The following CDH18 variants were observed in gnomAD, a reference collection of about 807,000 sequenced individuals.
CDH18 encodes the protein cadherin 18.
In CDH18, 31 loss-of-function variants were observed where a neutral mutation model predicts 67.9. That is an observed-to-expected ratio of 0.46 (90% confidence interval 0.34 to 0.62). CDH18 has a LOEUF of 0.62. Ranked by LOEUF, CDH18 falls within the 20% of genes least tolerant of loss-of-function variation. The probability of loss-of-function intolerance (pLI) is 0.01; values close to 1 mark genes in which losing one functional copy is unlikely to be tolerated. For missense variants in CDH18, 890 were observed against 975.5 expected (o/e 0.91, Z 1.17); for synonymous variants, 362 against 347.2 (o/e 1.04, Z -0.48).
chr5:19,870,612 TTA>T (rs1359686486), intron 2 of CDH18, among the ~76,000 whole-genome samples: 7 of 152,112 alleles, frequency 4.6e-5, no homozygotes, highest in Admixed American at 4.6e-4. Flanking sequence ...CTGAGCAAGT[TTA>T]TGTTTTCTTG....
intron 1 of CDH18, among the ~76,000 whole-genome samples, chr5:20,450,760 A>G (rs1750383241): frequency 6.6e-6 from 1 of 152,162 alleles, no homozygotes; most frequent in African/African-American, 2.4e-5. Flanking sequence ...AACTCATTGC[A>G]TTAGTCTGTT....
At position 20,519,579 on chromosome 5, in the gene CDH18, C is replaced by T. The variant is rs1035767658; in HGVS notation, c.-580+55883G>A. The stretch of plus-strand genomic sequence containing the variant: ...GGCACATGTATACATATGTAACAAA[C>T]CCGCACATTGTGCACATATACCCTA... On this transcript the variant is annotated intron_variant, in intron 1 of 14. Transcript: ENST00000507958. 2.0e-5 allele frequency among the ~76,000 whole-genome samples: 3 copies of T among 151,846 alleles called. No homozygotes were observed. The South Asian group carries it at 6.3e-4, about 32-fold the overall frequency.
At chr5:20,137,654 G>A (rs1749853895) in intron 2 of CDH18, among the ~76,000 whole-genome samples, 1 of 152,090 alleles carries the variant, frequency 6.6e-6, no homozygotes, top group African/African-American at 2.4e-5. Flanking sequence ...TCCTCTGGAG[G>A]AGAAGAGGCA....
At chr5:19,883,789 G>C (rs1787911569) in intron 2 of CDH18, among the ~76,000 whole-genome samples, 1 of 152,038 alleles carries the variant, frequency 6.6e-6, no homozygotes. Context: ...ATCTCAACTT[G>C]TAAATATACA....
chr5:19,630,526 A>AT (rs1448127626), intron 5 of CDH18, among the ~76,000 whole-genome samples: 2 of 151,926 alleles, frequency 1.3e-5, no homozygotes, highest in Admixed American at 1.3e-4. Context: ...GAAGGCTTGT[A>AT]TTTTGTCAGG....
intron 10 of CDH18, among the ~76,000 whole-genome samples, chr5:19,519,354 G>A (rs1746533615): frequency 2.0e-5 from 3 of 152,116 alleles, no homozygotes; most frequent in African/African-American, 7.2e-5. Flanking sequence ...ACACAAAAAA[G>A]GATGCTTCTC....
At chr5:20,270,270 T>G (rs539292979) in intron 1 of CDH18, among the ~76,000 whole-genome samples, 4 of 152,062 alleles carry the variant, frequency 2.6e-5, no homozygotes, top group Non-Finnish European at 5.9e-5. Flanking sequence ...ATGTGGAAAT[T>G]AGAATATAAA....
chr5:20,216,865 T>C (rs964212374), intron 2 of CDH18, among the ~76,000 whole-genome samples: 3 of 151,914 alleles, frequency 2.0e-5, no homozygotes, highest in African/African-American at 7.2e-5. Flanking sequence ...GGAAGGATCT[T>C]AAAAGCAGAA....
intron 1 of CDH18, among the ~76,000 whole-genome samples, chr5:20,553,783 T>G (rs564671747): frequency 1.1e-4 from 16 of 152,196 alleles, no homozygotes; most frequent in Non-Finnish European, 1.9e-4. Flanking sequence ...TTACTTGTAC[T>G]AATTTACAAA....
chr5:19,703,769 T>G (rs1292462111), intron 5 of CDH18, among the ~76,000 whole-genome samples: 2 of 151,420 alleles, frequency 1.3e-5, no homozygotes, highest in Non-Finnish European at 2.9e-5. Flanking sequence ...TAGCTACATT[T>G]GAGCCTTTTC....
chr5:19,987,032 C>T (rs1188922299), intron 1 of CDH18, among the ~76,000 whole-genome samples: 2 of 152,122 alleles, frequency 1.3e-5, no homozygotes, highest in African/African-American at 4.8e-5. Context: ...GTGATGCCAT[C>T]ACCTGAGCAA....
intron 1 of CDH18, among the ~76,000 whole-genome samples, chr5:20,337,302 T>A: frequency 6.6e-6 from 1 of 152,216 alleles, no homozygotes. Flanking sequence ...TCTTTTCTAT[T>A]CACATTGTCA....
intron 2 of CDH18, among the ~76,000 whole-genome samples, chr5:19,904,612 G>A (rs952191343): frequency 1.3e-5 from 2 of 152,072 alleles, no homozygotes; most frequent in African/African-American, 2.4e-5. Flanking sequence ...GTCTAACTGC[G>A]GCTCTGTAAA....
chr5:20,524,939 C>A (rs1755958609), intron 1 of CDH18, among the ~76,000 whole-genome samples: 1 of 152,116 alleles, frequency 6.6e-6, no homozygotes, highest in African/African-American at 2.4e-5. Context: ...AAGGTTAGAA[C>A]CCACAGAGTA....
chr5:19,915,990 C>T (rs563908208), intron 2 of CDH18, among the ~76,000 whole-genome samples: 7 of 152,254 alleles, frequency 4.6e-5, no homozygotes, highest in African/African-American at 1.7e-4. Flanking sequence ...TTATTCATGT[C>T]AAATCCTTTA....
At position 19,920,617 on chromosome 5, in the gene CDH18, G is replaced by GA. The variant is rs1293199510; in HGVS notation, c.-257+60442dup. 2.0e-5 allele frequency among the ~76,000 whole-genome samples: 3 copies of GA among 146,676 alleles called. No homozygotes were observed. The East Asian group carries it at 6.1e-4, about 30-fold the overall frequency. ...CAACCTCTGCCTCCTGGTTTCAAAC[G>GA]ATTCTCCTGCCTCATCCTCCTGAGT... is the stretch of plus-strand genomic sequence containing the variant. On this transcript the variant is annotated intron_variant, in intron 2 of 12. Coordinates refer to ENST00000382275, the MANE Select transcript of CDH18 (RefSeq NM_004934.5).
At chr5:20,012,391 A>AC (rs56352404) in intron 2 of CDH18, among the ~76,000 whole-genome samples, 6 of 150,830 alleles carry the variant, frequency 4.0e-5, no homozygotes, top group Non-Finnish European at 7.4e-5. Context: ...AAAAAAAAAA[A>AC]CACCAGCTCC....
chr5:19,675,989 A>T (rs1235774077), intron 5 of CDH18, among the ~76,000 whole-genome samples: 2 of 151,986 alleles, frequency 1.3e-5, no homozygotes, highest in Admixed American at 1.3e-4. Flanking sequence ...CATTAAAAAA[A>T]AAAAGTAAAC....
At chr5:19,538,257 G>C (rs945348686) in intron 9 of CDH18, among the ~76,000 whole-genome samples, 1 of 152,128 alleles carries the variant, frequency 6.6e-6, no homozygotes, top group African/African-American at 2.4e-5. Flanking sequence ...AGAGAACCCA[G>C]TTGAGCCCAC....
Sources: allele counts gnomAD v4.1 joint callset (sites outside exome capture counted in the v4.1 genomes callset), GRCh38; gene constraint gnomAD v4.1.1; transcripts MANE v1.5; gene names NCBI Gene and HGNC (gene_info 2026-07-23, HGNC 2026-07-21).